SGIP1: variants seen among roughly 807,000 people sequenced by gnomAD.
SGIP1 encodes SH3GL interacting endocytic adaptor 1, also known as SH3-containing GRB2-like protein 3-interacting protein 1.
SGIP1 carries 38 observed loss-of-function variants against 107.5 expected under a neutral mutation model. The observed-to-expected ratio is 0.35, with a 90% CI of 0.27 to 0.46. The LOEUF (loss-of-function observed/expected upper bound fraction) is 0.46. Ranked by LOEUF, SGIP1 falls within the 20% of genes least tolerant of loss-of-function variation. SGIP1 has a pLI of 1.00. For synonymous variants in SGIP1, 365 were observed against 366.1 expected, an observed-to-expected ratio of 1.00 and a Z score of 0.03; for missense variants, 929 against 1,019.5, an observed-to-expected ratio of 0.91 and a Z score of 1.21.
intron 3 of SGIP1, chr1:66,634,040 A>G (rs1170178250): frequency 2.0e-6 from 3 of 1,520,310 alleles, no homozygotes; most frequent in Non-Finnish European, 1.8e-6. Context: ...ACTGAAATTG[A>G]TCAGACATTG....
At chr1:66,540,704 G>T (rs1353131966) in intron 1 of SGIP1, among the ~76,000 whole-genome samples, 1 of 152,192 alleles carries the variant, frequency 6.6e-6, no homozygotes, top group Non-Finnish European at 1.5e-5. Context: ...AATCTTAGGA[G>T]CTCAATGTGT....
At chr1:66,642,211 C>T (rs6588213) in intron 5 of SGIP1, among the ~76,000 whole-genome samples, 20,760 of 152,056 alleles carry the variant, frequency 0.14, 1,460 homozygotes, top group African/African-American at 0.15. Context: ...GCTTCTTCTC[C>T]AGCCATGTCA....
intron 18 of SGIP1, among the ~76,000 whole-genome samples, chr1:66,716,923 A>G (rs548535420): frequency 6.6e-6 from 1 of 152,034 alleles, no homozygotes. Flanking sequence ...ACACACAAAT[A>G]CCACACTTCC....
intron 7 of SGIP1, among the ~76,000 whole-genome samples, chr1:66,646,130 C>T (rs971264901): frequency 1.3e-5 from 2 of 152,102 alleles, no homozygotes; most frequent in African/African-American, 4.8e-5. Flanking sequence ...TGTGAGCCAC[C>T]GCACCCAGCC....
intron 1 of SGIP1, among the ~76,000 whole-genome samples, chr1:66,550,858 T>C (rs993537193): frequency 6.6e-6 from 1 of 152,266 alleles, no homozygotes; most frequent in Non-Finnish European, 1.5e-5. Context: ...GGTATGACCA[T>C]AGACTTGAAC....
chr1:66,747,413 T>G lies in SGIP1; in HGVS notation c.*4318T>G, dbSNP rs1467931576. 8 of 152,070 alleles carry G rather than the reference T, an allele frequency of 5.3e-5. No individual in the cohort carries two copies. In the East Asian group the frequency reaches 1.5e-3, roughly 29 times the overall value. 9.4% of individuals were successfully genotyped at this position (152,070 alleles called of 1,614,324 possible). A position where few individuals can be genotyped will look rare whatever the true frequency, so the allele number is the denominator to read the frequency against. ...TTTTTTCCCTAGGAAAATCCCTATC[T>G]TTTTCTTAAAGTTACTCTGTTATAC... On this transcript the variant is annotated 3_prime_UTR_variant, in exon 25 of 25. Transcript: ENST00000371037.
At chr1:66,730,314 T>C (rs1379821939) in intron 20 of SGIP1, among the ~76,000 whole-genome samples, 1 of 152,130 alleles carries the variant, frequency 6.6e-6, no homozygotes, top group Non-Finnish European at 1.5e-5. Context: ...CTGAATTTGA[T>C]GTCTTTATTA....
At chr1:66,561,341 T>C (rs1002135156) in intron 1 of SGIP1, among the ~76,000 whole-genome samples, 1 of 152,020 alleles carries the variant, frequency 6.6e-6, no homozygotes. Flanking sequence ...TGGGCATACA[T>C]AGACTAAGGT....
rs894254224 is a variant in SGIP1, at chr1:66,679,770, C to T, written c.814+18C>T. On this transcript the variant is annotated intron_variant, in intron 14 of 24. Transcript: ENST00000371037. ...TGGACCAGGTACGCTTTTGTTTTTTCAGTTCTGGGATGATGTGTCAAACAG... is the reference window on the plus strand; with the variant it reads ...TGGACCAGGTACGCTTTTGTTTTTTTAGTTCTGGGATGATGTGTCAAACAG... 1 of 1,586,552 alleles carries T rather than the reference C, an allele frequency of 6.3e-7. No homozygotes were observed. The highest frequency in any genetic ancestry group is 8.5e-7 in the Non-Finnish European group (1 of 1,171,892).
At chr1:66,563,361 A>T (rs556421212) in intron 1 of SGIP1, among the ~76,000 whole-genome samples, 1 of 151,998 alleles carries the variant, frequency 6.6e-6, no homozygotes, top group Non-Finnish European at 1.5e-5. Flanking sequence ...TTGCAGCAAG[A>T]AGAAACTTTC....
intron 15 of SGIP1, among the ~76,000 whole-genome samples, 174 bp from the exon 16 acceptor site, chr1:66,688,974 A>T (rs1333341075): frequency 2.7e-5 from 4 of 148,738 alleles, no homozygotes; most frequent in Admixed American, 6.8e-5. Context: ...GAAATCATTA[A>T]TTTTTTTTCT....
chr1:66,671,446 T>A (rs2083780384), intron 10 of SGIP1, among the ~76,000 whole-genome samples: 1 of 152,176 alleles, frequency 6.6e-6, no homozygotes, highest in Non-Finnish European at 1.5e-5. Context: ...TAGGTTATAA[T>A]ACACATAGGG....
At position 66,746,830 on chromosome 1, in the gene SGIP1, C is replaced by A. The variant is rs774943623; in HGVS notation, c.*3735C>A. The A allele has an allele frequency of 6.6e-6, 1 of 151,994 alleles. No individual in the cohort carries two copies. Among genetic ancestry groups the A allele is most frequent in the African/African-American group, 2.4e-5 (1 of 41,394 alleles). 9.4% of individuals were successfully genotyped at this position (151,994 alleles called of 1,614,324 possible). A position where few individuals can be genotyped will look rare whatever the true frequency, so the allele number is the denominator to read the frequency against. On this transcript the variant is annotated 3_prime_UTR_variant, in exon 25 of 25. Coordinates refer to ENST00000371037, the MANE Select transcript of SGIP1 (RefSeq NM_032291.4). ...CATTTGAATGCCAAGGTAGAAGGCA[C>A]CATGAAAAACCATTACCAAAATAAG...
At chr1:66,619,697 C>A (rs1027942620) in intron 1 of SGIP1, among the ~76,000 whole-genome samples, 1 of 152,196 alleles carries the variant, frequency 6.6e-6, no homozygotes, top group African/African-American at 2.4e-5. Context: ...TCTCCACTTA[C>A]ACTTCTAGGA....
chr1:66,548,831 T>C (rs752833328), intron 1 of SGIP1, among the ~76,000 whole-genome samples: 3 of 152,176 alleles, frequency 2.0e-5, no homozygotes, highest in Non-Finnish European at 2.9e-5. Flanking sequence ...GATTCACCTG[T>C]GCACTTCTCC....
chr1:66,729,911 C>G (rs1027274675), intron 20 of SGIP1, among the ~76,000 whole-genome samples: 11 of 152,174 alleles, frequency 7.2e-5, no homozygotes, highest in African/African-American at 2.7e-4. Flanking sequence ...AAGTGGTTCT[C>G]CTGCCTCAGC....
At chr1:66,684,311 C>G in intron 15 of SGIP1, 1 of 1,358,248 alleles carries the variant, frequency 7.4e-7, no homozygotes, top group Non-Finnish European at 9.9e-7. Flanking sequence ...ACAGTGTCAT[C>G]GACAAGATCA....
At chr1:66,649,023 A>C (rs900775011) in intron 7 of SGIP1, among the ~76,000 whole-genome samples, 6 of 152,134 alleles carry the variant, frequency 3.9e-5, no homozygotes, top group African/African-American at 7.2e-5. Context: ...TACTTAACCT[A>C]GATTCTTTTA....
intron 1 of SGIP1, among the ~76,000 whole-genome samples, chr1:66,564,082 G>T (rs180732623): frequency 6.6e-6 from 1 of 151,898 alleles, no homozygotes; most frequent in East Asian, 1.9e-4. Flanking sequence ...AAATTGGAGC[G>T]GCTTAGATTG....
Sources: allele counts gnomAD v4.1 joint callset (sites outside exome capture counted in the v4.1 genomes callset), GRCh38; gene constraint gnomAD v4.1.1; transcripts MANE v1.5; gene names NCBI Gene and HGNC (gene_info 2026-07-23, HGNC 2026-07-21).